Variants in ADAMTS12 observed in about 807,000 individuals in gnomAD.
The protein encoded by ADAMTS12 is ADAM metallopeptidase with thrombospondin type 1 motif 12.
Under a neutral mutation model 167.8 loss-of-function variants are expected in ADAMTS12, and 118 were observed. The ratio of observed to expected loss-of-function variants is 0.70; its 90% CI spans 0.61 to 0.82. ADAMTS12 has a LOEUF of 0.82. Among genes scored for constraint, ADAMTS12 ranks in the 40% least tolerant of loss-of-function variants. ADAMTS12 has a pLI of 0.00. For synonymous variants in ADAMTS12, 704 were observed against 716.9 expected (o/e 0.98, Z 0.29); for missense variants, 1,916 against 1,998.8 (o/e 0.96, Z 0.79).
intron 13 of ADAMTS12, among the ~76,000 whole-genome samples, chr5:33,625,812 A>C (rs958191915): frequency 1.3e-5 from 2 of 152,144 alleles, no homozygotes; most frequent in African/African-American, 4.8e-5. Context: ...AGCTGCATGC[A>C]GTACAATAAA....
intron 17 of ADAMTS12, among the ~76,000 whole-genome samples, chr5:33,590,974 G>T (rs922926141): frequency 6.7e-6 from 1 of 149,394 alleles, no homozygotes; most frequent in Non-Finnish European, 1.5e-5. Flanking sequence ...GTTCTCTGCT[G>T]CCCATCTCAT....
chr5:33,875,642 A>C (rs1189327748), intron 2 of ADAMTS12, among the ~76,000 whole-genome samples: 1 of 152,218 alleles, frequency 6.6e-6, no homozygotes, highest in Non-Finnish European at 1.5e-5. Flanking sequence ...GCTCTCAGAA[A>C]ACTTCCGTGA....
chr5:33,811,321 T>A (rs189450241), intron 2 of ADAMTS12, among the ~76,000 whole-genome samples: 1 of 152,198 alleles, frequency 6.6e-6, no homozygotes, highest in Admixed American at 6.5e-5. Flanking sequence ...TAGGAAAATA[T>A]ATATAGTTTT....
intron 12 of ADAMTS12, among the ~76,000 whole-genome samples, chr5:33,635,911 A>G (rs1259098333): frequency 6.6e-6 from 1 of 152,170 alleles, no homozygotes; most frequent in African/African-American, 2.4e-5. Flanking sequence ...ACCGGGATAG[A>G]GGATGAATAC....
intron 7 of ADAMTS12, among the ~76,000 whole-genome samples, chr5:33,651,024 T>C (rs1740850153): frequency 6.6e-6 from 1 of 152,236 alleles, no homozygotes; most frequent in Non-Finnish European, 1.5e-5. Flanking sequence ...GTATTATCAA[T>C]GTACTTAACA....
rs141724473 is a variant in ADAMTS12, at chr5:33,804,233, T to C, written c.490-52685A>G. On this transcript the variant is annotated intron_variant, in intron 2 of 23. Coordinates refer to ENST00000504830, the MANE Select transcript of ADAMTS12 (RefSeq NM_030955.4). ...TTCCCTTCCTCTTCCCCCATCTTCATATATAGAGTTCCCTGCCCCTTGACT... is the reference window on the plus strand; with the variant it reads ...TTCCCTTCCTCTTCCCCCATCTTCACATATAGAGTTCCCTGCCCCTTGACT... 2.6e-4 allele frequency among the ~76,000 whole-genome samples: 39 copies of C among 152,326 alleles called. No individual in the cohort carries two copies. In the East Asian group the frequency reaches 7.3e-3, roughly 29 times the overall value.
intron 17 of ADAMTS12, among the ~76,000 whole-genome samples, chr5:33,591,801 G>T (rs970951696): frequency 6.6e-6 from 1 of 152,006 alleles, no homozygotes; most frequent in Non-Finnish European, 1.5e-5. Context: ...GACATTTTTC[G>T]TCGTCACAAA....
rs755112149 is a variant in ADAMTS12 at position 33,683,963 on chromosome 5, T to A, written c.727A>T (p.Ser243Cys). 1.2e-6 allele frequency: 2 copies of A among 1,612,808 alleles called. No individual in the cohort carries two copies. The highest frequency in any genetic ancestry group is 1.7e-6 in the Non-Finnish European group (2 of 1,179,590). Reference sequence around the variant, plus strand: ...AGTGTCTCCACCCATCTCTCCTTGCTGATGGAACGCCGAGAGAGGCTTCTG... The same window carrying A: ...AGTGTCTCCACCCATCTCTCCTTGCAGATGGAACGCCGAGAGAGGCTTCTG... ...PSRSLSRRSISKERWVETLVV... is the reference protein window; with the variant it reads ...PSRSLSRRSICKERWVETLVV... The change falls in exon 4 of 24, where the codon AGC becomes TGC. Residue 243 changes from serine (S) to cysteine (C), a missense_variant. Coordinates refer to ENST00000504830, the MANE Select transcript of ADAMTS12 (RefSeq NM_030955.4).
chr5:33,652,428 C>G (rs1299852604), intron 7 of ADAMTS12, among the ~76,000 whole-genome samples: 2 of 151,974 alleles, frequency 1.3e-5, no homozygotes, highest in African/African-American at 4.8e-5. Flanking sequence ...TTTGTGTCTT[C>G]TTTTGAAAAA....
At chr5:33,539,345 T>C (rs779993131) in intron 22 of ADAMTS12, among the ~76,000 whole-genome samples, 2 of 152,174 alleles carry the variant, frequency 1.3e-5, no homozygotes, top group Non-Finnish European at 2.9e-5. Context: ...TTAATTATTT[T>C]GTTCCATCAA....
Position 33,615,948 on chromosome 5 carries a change from C to T in ADAMTS12, c.2268G>A (p.Gly756=), listed in dbSNP as rs770249503. The T allele has an allele frequency of 1.9e-6, 3 of 1,614,120 alleles. No individual in the cohort carries two copies. The highest frequency in any genetic ancestry group is 1.1e-5 in the South Asian group (1 of 91,076). ...AGTTCCCGTTCCACTGGATAATAAA[C>T]CCTCCATTCAGGTAATATTTTTCAG... ...EDPEKYYLNG[G]FIIQWNGNYK... The change falls in exon 15 of 24, where the codon GGG becomes GGA. Residue 756 remains glycine, a synonymous_variant. Transcript: ENST00000504830.
chr5:33,735,090 A>G (rs544214972), intron 3 of ADAMTS12, among the ~76,000 whole-genome samples: 3 of 152,362 alleles, frequency 2.0e-5, no homozygotes, highest in East Asian at 3.9e-4. Context: ...ATTTACCTTA[A>G]TAAGTTTTAC....
chr5:33,813,821 A>G (rs1747549876), intron 2 of ADAMTS12, among the ~76,000 whole-genome samples: 11 of 152,224 alleles, frequency 7.2e-5, no homozygotes, highest in Admixed American at 7.2e-4. Flanking sequence ...TGCCATGTGG[A>G]GCAGAGACAT....
intron 5 of ADAMTS12, among the ~76,000 whole-genome samples, chr5:33,667,068 A>C (rs1741499481): frequency 4.6e-5 from 7 of 152,192 alleles, no homozygotes; most frequent in Admixed American, 4.6e-4. Flanking sequence ...AGTAATTAGA[A>C]TTGATCACTA....
chr5:33,732,616 A>G (rs1041171661), intron 3 of ADAMTS12, among the ~76,000 whole-genome samples: 19 of 152,340 alleles, frequency 1.2e-4, no homozygotes, highest in African/African-American at 4.6e-4. Flanking sequence ...AACAAATTAG[A>G]GAAGATTTAA....
chr5:33,844,928 A>G (rs1748888744), intron 2 of ADAMTS12, among the ~76,000 whole-genome samples: 1 of 152,124 alleles, frequency 6.6e-6, no homozygotes, highest in Non-Finnish European at 1.5e-5. Context: ...AAGAACCTAC[A>G]TGACTACTGG....
intron 13 of ADAMTS12, among the ~76,000 whole-genome samples, chr5:33,630,187 C>T (rs1739855327): frequency 1.3e-5 from 2 of 152,164 alleles, no homozygotes; most frequent in African/African-American, 4.8e-5. Flanking sequence ...ACAAGTCCTG[C>T]TCCTCAGTTC....
chr5:33,599,786 G>A (rs912612550), intron 16 of ADAMTS12, among the ~76,000 whole-genome samples: 3 of 152,054 alleles, frequency 2.0e-5, no homozygotes, highest in African/African-American at 4.8e-5. Context: ...TCTGAAAATC[G>A]ATTGCTGAAA....
intron 3 of ADAMTS12, among the ~76,000 whole-genome samples, chr5:33,688,586 G>A (rs1429490718): frequency 1.3e-5 from 2 of 152,164 alleles, no homozygotes; most frequent in Admixed American, 1.3e-4. Context: ...CTGAGTCAGT[G>A]TCCACGGCAG....
Sources: gnomAD v4.1 joint callset for allele counts (sites outside exome capture counted in the v4.1 genomes callset) on GRCh38, gnomAD v4.1.1 for gene constraint, MANE v1.5 for transcripts, NCBI Gene and HGNC (gene_info 2026-07-23, HGNC 2026-07-21) for gene names.